Variants in STAU2 observed in about 807,000 individuals in gnomAD.
STAU2 encodes double-stranded RNA-binding protein Staufen homolog 2.
STAU2 carries 20 observed loss-of-function variants against 65.9 expected under a neutral mutation model. The observed-to-expected ratio is 0.30, with a 90% CI of 0.21 to 0.44. The LOEUF is 0.44. STAU2 is among the 20% of genes least tolerant of loss of function. The probability of loss-of-function intolerance (pLI) is 1.00; values close to 1 mark genes in which losing one functional copy is unlikely to be tolerated. For synonymous variants in STAU2, 232 were observed against 233.9 expected (o/e 0.99, Z 0.07); for missense variants, 558 against 683.9 (o/e 0.82, Z 2.05).
intron 6 of STAU2, among the ~76,000 whole-genome samples, chr8:73,655,971 G>C (rs1216796065): frequency 6.6e-6 from 1 of 151,616 alleles, no homozygotes; most frequent in Admixed American, 6.6e-5. Context: ...TTTTAGTAGA[G>C]ATGGGGTTTC....
rs202003496 is a variant in STAU2, at chr8:73,613,966, A to G, written c.679-10T>C. 6.4e-5 allele frequency: 101 copies of G among 1,580,956 alleles called. No individual in the cohort carries two copies. In the East Asian group the frequency reaches 2.3e-3, roughly 36 times the overall value. ...CACTTTCTTTAATAACCTATTAAAT[A>G]CAAGTAAAATATTAAATAATGGATA... On this transcript the variant is annotated splice_polypyrimidine_tract_variant and intron_variant, in intron 8 of 14. Transcript: ENST00000524300.
At chr8:73,593,848 C>T (rs1012845274) in intron 11 of STAU2, among the ~76,000 whole-genome samples, 12 of 142,474 alleles carry the variant, frequency 8.4e-5, no homozygotes, top group African/African-American at 3.2e-4. Context: ...TGGGCCAATT[C>T]CTTAATATAT....
At chr8:73,529,642 A>G (rs1805678241) in intron 13 of STAU2, among the ~76,000 whole-genome samples, 2 of 152,256 alleles carry the variant, frequency 1.3e-5, no homozygotes, top group African/African-American at 2.4e-5. Context: ...TTAATGAGAC[A>G]TATAATTTTT....
chr8:73,741,076 C>T lies in STAU2; in HGVS notation c.-196-1208G>A, dbSNP rs560678898. ...ATCCCAGCACTTTGGGAGGCAGAGGCGGGCGGATCATGAGGTCAGGAGATC... is the reference window on the plus strand; with the variant it reads ...ATCCCAGCACTTTGGGAGGCAGAGGTGGGCGGATCATGAGGTCAGGAGATC... On this transcript the variant is annotated intron_variant, in intron 1 of 14. Coordinates refer to ENST00000524300, the MANE Select transcript of STAU2 (RefSeq NM_001164380.2). 1.7e-4 allele frequency among the ~76,000 whole-genome samples: 25 copies of T among 148,948 alleles called. No homozygotes were observed. The South Asian group carries it at 4.7e-3, about 28-fold the overall frequency.
Position 73,442,319 on chromosome 8 carries a change from G to A in STAU2, c.1531-19617C>T, listed in dbSNP as rs374485871. ...CAGTGAGGCGAGATTGCACCACTGCGCTCCAGCCTGGGCGACAGAGCGAGA... is the reference window on the plus strand; with the variant it reads ...CAGTGAGGCGAGATTGCACCACTGCACTCCAGCCTGGGCGACAGAGCGAGA... On this transcript the variant is annotated intron_variant, in intron 13 of 14. Transcript: ENST00000524300. Among the ~76,000 whole-genome samples, 369 of 142,832 alleles carry A rather than the reference G, an allele frequency of 2.6e-3. 1 individual carries two copies. The highest frequency in any genetic ancestry group is 8.8e-3 in the South Asian group (40 of 4,568). The allele number at this position is 142,832 out of a possible 152,430, so 93.7% of individuals were successfully genotyped here. A position where few individuals can be genotyped will look rare whatever the true frequency, so the allele number is the denominator to read the frequency against.
At chr8:73,673,036 T>C (rs1356563627) in intron 6 of STAU2, 71 bp downstream of exon 6, 3 of 1,354,450 alleles carry the variant, frequency 2.2e-6, no homozygotes, top group East Asian at 2.5e-5. Context: ...AAATACTCTT[T>C]TGAGTGTGAG....
At chr8:73,458,426 T>G (rs898063718) in intron 13 of STAU2, among the ~76,000 whole-genome samples, 1 of 152,226 alleles carries the variant, frequency 6.6e-6, no homozygotes, top group African/African-American at 2.4e-5. Context: ...GTCTAGTAAG[T>G]TTACAGAAAC....
At chr8:73,453,864 A>T (rs1297572415) in intron 13 of STAU2, among the ~76,000 whole-genome samples, 1 of 151,998 alleles carries the variant, frequency 6.6e-6, no homozygotes, top group Non-Finnish European at 1.5e-5. Context: ...GGTGTGGGTC[A>T]GTGTAGCCCT....
chr8:73,579,666 A>G (rs1457167541), intron 12 of STAU2, among the ~76,000 whole-genome samples: 3 of 152,154 alleles, frequency 2.0e-5, no homozygotes, highest in African/African-American at 7.2e-5. Context: ...CTTAACATAA[A>G]CCTCACATTA....
chr8:73,451,519 C>T (rs1489963056), intron 13 of STAU2, among the ~76,000 whole-genome samples: 1 of 151,836 alleles, frequency 6.6e-6, no homozygotes, highest in Non-Finnish European at 1.5e-5. Context: ...GTTCCTCTAA[C>T]ACAGTGCCTA....
At chr8:73,631,495 A>C (rs1007492474) in intron 6 of STAU2, among the ~76,000 whole-genome samples, 1 of 152,198 alleles carries the variant, frequency 6.6e-6, no homozygotes, top group Non-Finnish European at 1.5e-5. Flanking sequence ...AATCAACTAA[A>C]TAAGCCTCTG....
chr8:73,505,979 C>T (rs1822043905), intron 13 of STAU2, among the ~76,000 whole-genome samples: 2 of 152,076 alleles, frequency 1.3e-5, no homozygotes, highest in Non-Finnish European at 2.9e-5. Flanking sequence ...CCATGTGACA[C>T]GCCTGCTCCC....
intron 3 of STAU2, among the ~76,000 whole-genome samples, chr8:73,715,340 G>A (rs547718033): frequency 6.0e-5 from 9 of 151,110 alleles, no homozygotes; most frequent in African/African-American, 1.7e-4. Context: ...CCTGTAGTCC[G>A]AGCTATTCGG....
At position 73,550,847 on chromosome 8, in the gene STAU2, G is replaced by A. The variant is rs568446337; in HGVS notation, c.1530+1165C>T. The A allele has an allele frequency of 1.3e-4, 129 of 987,248 alleles. No homozygotes were observed. The African/African-American group carries it at 1.4e-3, about 11-fold the overall frequency. The allele number at this position is 987,248 out of a possible 1,614,324, so 61.2% of individuals were successfully genotyped here. A position where few individuals can be genotyped will look rare whatever the true frequency, so the allele number is the denominator to read the frequency against. On this transcript the variant is annotated intron_variant, in intron 13 of 14. Coordinates refer to ENST00000524300, the MANE Select transcript of STAU2 (RefSeq NM_001164380.2). ...TAGTTTGAAAGAATCAGAAGGGTTCGGTGAAGTGAAAAAAAAATCCGAACA... is the reference window on the plus strand; with the variant it reads ...TAGTTTGAAAGAATCAGAAGGGTTCAGTGAAGTGAAAAAAAAATCCGAACA...
intron 1 of STAU2, among the ~76,000 whole-genome samples, 176 bp downstream of exon 1, chr8:73,746,607 T>C (rs1290595809): frequency 1.3e-5 from 2 of 150,070 alleles, no homozygotes; most frequent in African/African-American, 4.9e-5. Context: ...TCCCCGCTGC[T>C]GCCCCGAGAG....
At chr8:73,480,739 C>T (rs1585845435) in intron 13 of STAU2, among the ~76,000 whole-genome samples, 1 of 152,146 alleles carries the variant, frequency 6.6e-6, no homozygotes, top group African/African-American at 2.4e-5. Flanking sequence ...CAAATAAACA[C>T]GAAATATGTA....
intron 6 of STAU2, among the ~76,000 whole-genome samples, chr8:73,657,762 C>T (rs1816489264): frequency 6.6e-6 from 1 of 152,060 alleles, no homozygotes; most frequent in Non-Finnish European, 1.5e-5. Context: ...GCCTGTAATC[C>T]CAGCACTTTG....
intron 6 of STAU2, among the ~76,000 whole-genome samples, chr8:73,633,733 C>A (rs1814275866): frequency 6.6e-6 from 1 of 152,164 alleles, no homozygotes; most frequent in African/African-American, 2.4e-5. Context: ...GTAATCCCAA[C>A]ACTTTGGGAG....
chr8:73,634,541 T>TA (rs1814352116), intron 6 of STAU2, among the ~76,000 whole-genome samples: 1 of 152,010 alleles, frequency 6.6e-6, no homozygotes, highest in Non-Finnish European at 1.5e-5. Context: ...AAACAAAAAA[T>TA]AAAAAAACCT....
Sources: gnomAD v4.1 joint callset for allele counts (sites outside exome capture counted in the v4.1 genomes callset) on GRCh38, gnomAD v4.1.1 for gene constraint, MANE v1.5 for transcripts, NCBI Gene and HGNC (gene_info 2026-07-23, HGNC 2026-07-21) for gene names.